SLC2A9: variants seen among roughly 807,000 people sequenced by gnomAD.
SLC2A9 encodes solute carrier family 2, facilitated glucose transporter member 9.
Under a neutral mutation model 50.6 loss-of-function variants are expected in SLC2A9, and 39 were observed. The observed-to-expected ratio is 0.77, with a 90% CI of 0.60 to 1.01. The LOEUF (loss-of-function observed/expected upper bound fraction) is 1.01, where lower values mean the gene tolerates loss of function less well. SLC2A9 is among the 50% of genes least tolerant of loss of function. SLC2A9 has a pLI of 0.00. For synonymous variants in SLC2A9, 324 were observed against 276.9 expected (o/e 1.17, Z -1.69); for missense variants, 686 against 677.6 (o/e 1.01, Z -0.14).
At chr4:10,000,061 G>A (rs1016614513) in intron 2 of SLC2A9, among the ~76,000 whole-genome samples, 3 of 152,170 alleles carry the variant, frequency 2.0e-5, no homozygotes, top group Non-Finnish European at 4.4e-5. Context: ...GAGGTGAGGA[G>A]GGGAGACACC....
intron 1 of SLC2A9, among the ~76,000 whole-genome samples, chr4:10,027,787 A>G (rs756474642): frequency 1.1e-4 from 16 of 152,140 alleles, no homozygotes; most frequent in Non-Finnish European, 2.2e-4. Flanking sequence ...ATACATTTGT[A>G]TAATGAAAAT....
intron 3 of SLC2A9, among the ~76,000 whole-genome samples, chr4:9,986,126 A>G (rs1481153800): frequency 6.6e-6 from 1 of 152,258 alleles, no homozygotes; most frequent in Non-Finnish European, 1.5e-5. Context: ...AGGAAAATGG[A>G]AACCACTCTA....
chr4:10,035,768 T>C (rs538986393), intron 1 of SLC2A9: 8 of 151,130 alleles, frequency 5.3e-5, no homozygotes, highest in African/African-American at 1.9e-4. Context: ...AAAAGGCATT[T>C]CTTTTGTTTG....
At chr4:9,992,545 C>T (rs1757895369) in intron 3 of SLC2A9, among the ~76,000 whole-genome samples, 2 of 152,170 alleles carry the variant, frequency 1.3e-5, no homozygotes, top group East Asian at 1.9e-4. Flanking sequence ...CATGCAACCT[C>T]GCTCAAGTCA....
intron 1 of SLC2A9, among the ~76,000 whole-genome samples, chr4:9,774,356 A>G (rs938604404): frequency 2.6e-5 from 4 of 152,212 alleles, no homozygotes; most frequent in African/African-American, 9.7e-5. Flanking sequence ...CTAAAAATGT[A>G]TCCTTTCACA....
intron 11 of SLC2A9, among the ~76,000 whole-genome samples, chr4:9,830,297 A>C (rs1347903639): frequency 1.3e-5 from 2 of 152,212 alleles, no homozygotes; most frequent in Admixed American, 1.3e-4. Context: ...CTCACTTATA[A>C]GTGGGAGCTG....
intron 2 of SLC2A9, among the ~76,000 whole-genome samples, chr4:10,015,240 C>A (rs1762423081): frequency 6.6e-6 from 1 of 152,266 alleles, no homozygotes; most frequent in Admixed American, 6.5e-5. Flanking sequence ...TTCCTCTTTG[C>A]CTTTATTGAT....
In SLC2A9 at chr4:10,035,680, G is replaced by A. The variant is rs1764078832; in HGVS notation, c.-41+4450C>T. 1.3e-5 allele frequency: 2 copies of A among 152,292 alleles called. 1 individual carries two copies. The highest frequency in any genetic ancestry group is 4.1e-4 in the South Asian group (2 of 4,832). The allele number at this position is 152,292 out of a possible 1,614,324, so 9.4% of individuals were successfully genotyped here. ...CTGGTGTGGGAGTCTGTGGACTGAA[G>A]GGAGCAGATCTGCCCTCCAGTGGGG... On this transcript the variant is annotated intron_variant, in intron 1 of 12. Coordinates refer to the SLC2A9 transcript ENST00000309065.
At chr4:9,840,499 G>A (rs1727871615) in intron 10 of SLC2A9, among the ~76,000 whole-genome samples, 2 of 152,066 alleles carry the variant, frequency 1.3e-5, no homozygotes, top group African/African-American at 4.8e-5. Flanking sequence ...ATTTGCTCAT[G>A]TAAAATAATT....
chr4:9,845,509 A>G (rs918697199), intron 10 of SLC2A9, among the ~76,000 whole-genome samples: 22 of 139,710 alleles, frequency 1.6e-4, no homozygotes, highest in African/African-American at 5.3e-4. Context: ...GGCTCACTGC[A>G]AGCTCCGCCT....
chr4:9,914,013 G>A (rs1742391785), intron 7 of SLC2A9, among the ~76,000 whole-genome samples: 1 of 152,180 alleles, frequency 6.6e-6, no homozygotes, highest in African/African-American at 2.4e-5. Flanking sequence ...ACAGCCCAGT[G>A]AGGGAGCTAT....
intron 5 of SLC2A9, among the ~76,000 whole-genome samples, chr4:9,961,045 C>T (rs955107337): frequency 6.6e-6 from 1 of 152,168 alleles, no homozygotes; most frequent in Non-Finnish European, 1.5e-5. Flanking sequence ...ATATTATTGT[C>T]CTCATTTTAC....
At chr4:9,908,041 C>T (rs1029822909) in intron 8 of SLC2A9, among the ~76,000 whole-genome samples, 194 bp downstream of exon 8, 1 of 152,172 alleles carries the variant, frequency 6.6e-6, no homozygotes, top group East Asian at 1.9e-4. Flanking sequence ...AGCCCAGACA[C>T]AAATGATGTC....
chr4:9,930,081 C>T (rs756668860), intron 6 of SLC2A9, among the ~76,000 whole-genome samples: 3 of 152,092 alleles, frequency 2.0e-5, no homozygotes, highest in Non-Finnish European at 4.4e-5. Context: ...AGAATCAGAC[C>T]CTTCAGAGCT....
chr4:9,987,728 T>C (rs1169153862), intron 3 of SLC2A9, among the ~76,000 whole-genome samples: 2 of 151,732 alleles, frequency 1.3e-5, no homozygotes, highest in Non-Finnish European at 2.9e-5. Flanking sequence ...CTCGGGAGAC[T>C]GGGGCAGGAG....
chr4:9,854,341 C>T (rs1424530980), intron 10 of SLC2A9, among the ~76,000 whole-genome samples: 1 of 151,890 alleles, frequency 6.6e-6, no homozygotes, highest in African/African-American at 2.4e-5. Flanking sequence ...CCCTCAGAGA[C>T]TATTATGAAC....
At chr4:9,850,498 T>G (rs375128445) in intron 10 of SLC2A9, among the ~76,000 whole-genome samples, 1 of 152,122 alleles carries the variant, frequency 6.6e-6, no homozygotes, top group East Asian at 1.9e-4. Flanking sequence ...TGCTGGACTC[T>G]CTTGGGGCCC....
intron 5 of SLC2A9, among the ~76,000 whole-genome samples, chr4:9,966,490 T>C (rs1450635667): frequency 1.3e-5 from 2 of 152,114 alleles, no homozygotes; most frequent in Non-Finnish European, 2.9e-5. Flanking sequence ...ACTCCATCTC[T>C]ACCAAAAATA....
chr4:9,776,229 G>A (rs1236282005), downstream of SLC2A9, among the ~76,000 whole-genome samples: 1 of 149,310 alleles, frequency 6.7e-6, no homozygotes, highest in Non-Finnish European at 1.5e-5. Context: ...TTTCAGAGTA[G>A]TCCAAGTACA....
Sources: gnomAD v4.1 joint callset for allele counts (sites outside exome capture counted in the v4.1 genomes callset) on GRCh38, gnomAD v4.1.1 for gene constraint, MANE v1.5 for transcripts, NCBI Gene and HGNC (gene_info 2026-07-23, HGNC 2026-07-21) for gene names.